The following WASF2 variants were observed in gnomAD, a reference collection of about 807,000 sequenced individuals.
WASF2 encodes the protein actin-binding protein WASF2.
Under a neutral mutation model 45.0 loss-of-function variants are expected in WASF2, and 14 were observed. The observed-to-expected ratio is 0.31, with a 90% CI of 0.21 to 0.49. The LOEUF (loss-of-function observed/expected upper bound fraction) is 0.49, where lower values mean the gene tolerates loss of function less well. WASF2 is among the 20% of genes least tolerant of loss of function. The pLI is 0.99. For missense variants in WASF2, 439 were observed against 636.1 expected, an observed-to-expected ratio of 0.69 and a Z score of 3.33; for synonymous variants, 200 against 236.3, an observed-to-expected ratio of 0.85 and a Z score of 1.41.
chr1:27,429,914 C>T (rs575441725), intron 1 of WASF2, among the ~76,000 whole-genome samples: 1 of 152,054 alleles, frequency 6.6e-6, no homozygotes, highest in Non-Finnish European at 1.5e-5. Flanking sequence ...GTAAACTGTG[C>T]TGTAAGATTC....
At chr1:27,430,678 A>T (rs2017049092) in intron 1 of WASF2, among the ~76,000 whole-genome samples, 1 of 152,062 alleles carries the variant, frequency 6.6e-6, no homozygotes, top group African/African-American at 2.4e-5. Flanking sequence ...TCACTCTGTC[A>T]TCCAGTATGG....
intron 1 of WASF2, among the ~76,000 whole-genome samples, chr1:27,438,177 A>G (rs1426113492): frequency 6.6e-6 from 1 of 152,194 alleles, no homozygotes; most frequent in Non-Finnish European, 1.5e-5. Flanking sequence ...TCCAATACAC[A>G]GCTTGGTTTT....
In WASF2 at chr1:27,475,135, G is replaced by T. The variant is rs2017748214; in HGVS notation, c.-44+14851C>A. Among the ~76,000 whole-genome samples the T allele has an allele frequency of 2.0e-5, 3 of 152,004 alleles. No individual in the cohort carries two copies. The South Asian group carries it at 6.2e-4, about 31-fold the overall frequency. On this transcript the variant is annotated intron_variant, in intron 1 of 8. Coordinates refer to ENST00000618852, the MANE Select transcript of WASF2 (RefSeq NM_006990.5). ...ACACATAAAATTTAAAAATTAGGCA[G>T]GTGTGGTGTTATGTAACTGTAGTCC... is the stretch of plus-strand genomic sequence containing the variant.
Position 27,428,854 on chromosome 1 carries a change from G to A in WASF2, c.37C>T (p.Leu13=). 6.2e-7 allele frequency: 1 copy of A among 1,614,182 alleles called. No individual in the cohort carries two copies. Among genetic ancestry groups the A allele is most frequent in the Non-Finnish European group, 8.5e-7 (1 of 1,180,036 alleles). The stretch of plus-strand genomic sequence containing the variant: ...ACGCTAGGCAACGTCTGACGGCACA[G>A]GTGCCTTGGCTCGATGTTCCTCGTT... ...LVTRNIEPRH[L]CRQTLPSVRS... The change falls in exon 2 of 9, where the codon CTG becomes TTG. Residue 13 remains leucine, a synonymous_variant. Transcript: ENST00000618852.
At position 27,416,074 on chromosome 1, in the gene WASF2, A is replaced by G; in HGVS notation, c.448T>C (p.Tyr150His). The stretch of plus-strand genomic sequence containing the variant: ...TCAAAGAAGTATGAAGGGTCTGTGT[A>G]GAATTTGAGTGCCTCTTTTCCATCG... ...RDDGKEALKF[Y>H]TDPSYFFDLW... The change falls in exon 5 of 9, where the codon TAC (tyrosine) becomes CAC (histidine). Residue 150 changes from tyrosine (Y) to histidine (H), a missense_variant. Physicochemically the swap from Tyr to His is moderately conservative, Grantham distance 83. This residue lies in a region of WASF2 where 98 missense variants were observed against 120.7 expected (regional missense o/e 0.81). Transcript: ENST00000618852. The G allele has an allele frequency of 6.2e-7, 1 of 1,614,096 alleles. No homozygotes were observed. The highest frequency in any genetic ancestry group is 8.5e-7 in the Non-Finnish European group (1 of 1,179,964).
intron 1 of WASF2, among the ~76,000 whole-genome samples, chr1:27,440,261 T>C (rs555597385): frequency 6.6e-6 from 1 of 152,192 alleles, no homozygotes; most frequent in Non-Finnish European, 1.5e-5. Flanking sequence ...TGGTGGCTCA[T>C]GCCTATAATC....
At chr1:27,471,289 G>A (rs2017684617) in intron 1 of WASF2, among the ~76,000 whole-genome samples, 1 of 147,292 alleles carries the variant, frequency 6.8e-6, no homozygotes. Flanking sequence ...AGCTTGCAGT[G>A]AGCCGAGATC....
Position 27,407,310 on chromosome 1 carries a change from C to T in WASF2, c.*879G>A, listed in dbSNP as rs1036421773. 5 of 152,864 alleles carry T rather than the reference C, an allele frequency of 3.3e-5. No individual in the cohort carries two copies. The highest frequency in any genetic ancestry group is 1.2e-4 in the African/African-American group (5 of 41,560). The allele number at this position is 152,864 out of a possible 1,614,324, so 9.5% of individuals were successfully genotyped here. A position where few individuals can be genotyped will look rare whatever the true frequency, so the allele number is the denominator to read the frequency against. On this transcript the variant is annotated 3_prime_UTR_variant, in exon 9 of 9. Transcript: ENST00000618852. ...ACTTCCCATCTCTAGGCCTCAGCATCCTTAAAGGGTGAGACCCACGGGGCT... is the reference window on the plus strand; with the variant it reads ...ACTTCCCATCTCTAGGCCTCAGCATTCTTAAAGGGTGAGACCCACGGGGCT...
chr1:27,411,528 C>A (rs543880036), intron 7 of WASF2, among the ~76,000 whole-genome samples: 1 of 152,334 alleles, frequency 6.6e-6, no homozygotes, highest in South Asian at 2.1e-4. Flanking sequence ...CTAACTATAT[C>A]ATGGACAGCA....
At chr1:27,421,603 G>A (rs932649231) in intron 2 of WASF2, among the ~76,000 whole-genome samples, 11 of 152,076 alleles carry the variant, frequency 7.2e-5, no homozygotes, top group African/African-American at 2.7e-4. Context: ...ATCACCTAAG[G>A]TCAGGAGTTT....
At chr1:27,478,211 C>CA (rs1006292204) in intron 1 of WASF2, among the ~76,000 whole-genome samples, 1 of 76,930 alleles carries the variant, frequency 1.3e-5, no homozygotes, top group Non-Finnish European at 2.5e-5. Flanking sequence ...ACTCTACCTC[C>CA]AAAAAAAATA....
At chr1:27,466,490 G>A (rs1383757440) in intron 1 of WASF2, among the ~76,000 whole-genome samples, 1 of 152,174 alleles carries the variant, frequency 6.6e-6, no homozygotes, top group East Asian at 1.9e-4. Flanking sequence ...CTGCATACAT[G>A]CAGCTATGGA....
intron 1 of WASF2, among the ~76,000 whole-genome samples, chr1:27,454,567 G>A (rs1027788876): frequency 1.3e-4 from 20 of 151,928 alleles, no homozygotes; most frequent in African/African-American, 3.9e-4. Context: ...CGAACTACTG[G>A]GCTCAAGGGA....
rs2016846701 is a variant in WASF2 at position 27,417,779 on chromosome 1, T to C, written c.419+490A>G. 2.0e-5 allele frequency among the ~76,000 whole-genome samples: 3 copies of C among 152,332 alleles called. 1 individual carries two copies. The South Asian group carries it at 6.2e-4, about 32-fold the overall frequency. On this transcript the variant is annotated intron_variant, in intron 4 of 8. Transcript: ENST00000618852. Reference sequence around the variant, plus strand: ...ATTTGGAAGAATGCGAATTACTCCTTAAGCTTTGGAAAGACCCCTTTGGGC... The same window carrying C: ...ATTTGGAAGAATGCGAATTACTCCTCAAGCTTTGGAAAGACCCCTTTGGGC...
chr1:27,411,591 T>C (rs999107855), intron 7 of WASF2, among the ~76,000 whole-genome samples: 15 of 152,286 alleles, frequency 9.8e-5, no homozygotes, highest in South Asian at 2.1e-4. Context: ...AGGCTGGGCA[T>C]GGTGGCTCAT....
At chr1:27,443,054 C>T (rs1391727082) in intron 1 of WASF2, among the ~76,000 whole-genome samples, 1 of 148,942 alleles carries the variant, frequency 6.7e-6, no homozygotes, top group African/African-American at 2.5e-5. Flanking sequence ...GTCCCAGCTA[C>T]TCTAGAGGCC....
intron 1 of WASF2, among the ~76,000 whole-genome samples, chr1:27,435,770 T>C (rs977355445): frequency 9.2e-5 from 14 of 152,332 alleles, no homozygotes; most frequent in South Asian, 4.1e-4. Context: ...AGAAGACAGA[T>C]AGATGACTGC....
intron 1 of WASF2, chr1:27,457,311 C>T (rs1384681299): frequency 1.3e-5 from 2 of 152,102 alleles, no homozygotes; most frequent in East Asian, 3.9e-4. Flanking sequence ...AGCAGTGGCT[C>T]ATGCCTATAA....
At chr1:27,408,450 GA>G in intron 8 of WASF2, 104 bp from the exon 9 acceptor site, 1 of 1,440,426 alleles carries the variant, frequency 6.9e-7, no homozygotes, top group Non-Finnish European at 9.4e-7. Context: ...AGTGGTATTG[GA>G]AAGGATAGAG....
Sources: allele counts gnomAD v4.1 joint callset (sites outside exome capture counted in the v4.1 genomes callset), GRCh38; gene constraint gnomAD v4.1.1; regional missense constraint gnomAD v4.1.1; transcripts MANE v1.5; gene names NCBI Gene and HGNC (gene_info 2026-07-23, HGNC 2026-07-21).